Variants in MYLK observed in about 807,000 individuals in gnomAD.
MYLK encodes the protein myosin light chain kinase, smooth muscle.
A neutral mutation model predicts 203.4 loss-of-function variants in MYLK; 106 were observed. That is an observed-to-expected ratio of 0.52 (90% CI 0.45 to 0.61). MYLK has a LOEUF of 0.61. Ranked by LOEUF, MYLK falls within the 20% of genes least tolerant of loss-of-function variation. The probability of loss-of-function intolerance (pLI) is 0.00; values close to 1 mark genes in which losing one functional copy is unlikely to be tolerated. For synonymous variants in MYLK, 867 were observed against 959.5 expected, an observed-to-expected ratio of 0.90 and a Z score of 1.78; for missense variants, 2,072 against 2,442.3, an observed-to-expected ratio of 0.85 and a Z score of 3.20.
At chr3:123,803,991 C>T (rs578015651) in intron 3 of MYLK, among the ~76,000 whole-genome samples, 3 of 152,184 alleles carry the variant, frequency 2.0e-5, no homozygotes, top group Admixed American at 2.0e-4. Context: ...ATAATAGTTG[C>T]CATGTATTTA....
intron 4 of MYLK, among the ~76,000 whole-genome samples, chr3:123,786,130 C>G (rs2064510440): frequency 1.3e-5 from 2 of 152,100 alleles, no homozygotes; most frequent in South Asian, 4.2e-4. Context: ...TGGTGAAACC[C>G]TGTCTCTACT....
chr3:123,743,436 A>T (rs907357886), intron 5 of MYLK, among the ~76,000 whole-genome samples: 2 of 152,210 alleles, frequency 1.3e-5, no homozygotes, highest in African/African-American at 4.8e-5. Context: ...GGCTAAAATT[A>T]CTAACAGGGT....
chr3:123,826,561 G>C (rs2066127153), intron 3 of MYLK, among the ~76,000 whole-genome samples: 1 of 152,192 alleles, frequency 6.6e-6, no homozygotes, highest in African/African-American at 2.4e-5. Flanking sequence ...AGTCTGAAAA[G>C]CAGCCCCACA....
chr3:123,667,105 C>T, intron 21 of MYLK, 32 bp downstream of exon 21: 2 of 1,611,308 alleles, frequency 1.2e-6, no homozygotes, highest in African/African-American at 1.3e-5. Context: ...TAGATGACTT[C>T]TTTGACCCCA....
chr3:123,663,828 G>A (rs879748314), intron 23 of MYLK, among the ~76,000 whole-genome samples: 17 of 152,142 alleles, frequency 1.1e-4, no homozygotes, highest in African/African-American at 2.9e-4. Context: ...GCCTGAGGGC[G>A]GGGAACTCCA....
At chr3:123,708,450 C>T (rs1304853864) in intron 15 of MYLK, among the ~76,000 whole-genome samples, 1 of 152,208 alleles carries the variant, frequency 6.6e-6, no homozygotes, top group African/African-American at 2.4e-5. Context: ...TCTTAGTACT[C>T]TATGCACCTT....
chr3:123,878,402 T>C (rs1371253348), intron 1 of MYLK, among the ~76,000 whole-genome samples: 1 of 152,172 alleles, frequency 6.6e-6, no homozygotes, highest in African/African-American at 2.4e-5. Context: ...TTCCATGTAG[T>C]CTGACCCCAG....
intron 24 of MYLK, among the ~76,000 whole-genome samples, chr3:123,652,779 CCTGGCTGGG>C (rs150959121): frequency 9.2e-5 from 14 of 152,276 alleles, no homozygotes; most frequent in Non-Finnish European, 1.8e-4. Flanking sequence ...CAGTTCAAGA[CCTGGCTGGG>C]CTGGGAGGGA....
intron 10 of MYLK, 82 bp from the exon 11 acceptor site, chr3:123,733,184 G>T: frequency 6.7e-7 from 1 of 1,488,154 alleles, no homozygotes; most frequent in Middle Eastern, 1.7e-4. Context: ...GAAGGTGTGA[G>T]CTGGAGGAAA....
intron 2 of MYLK, among the ~76,000 whole-genome samples, chr3:123,843,127 G>C (rs1175900772): frequency 1.3e-5 from 2 of 152,198 alleles, no homozygotes; most frequent in African/African-American, 4.8e-5. Flanking sequence ...TCCCGTATCA[G>C]TAATTCAATA....
At chr3:123,842,647 T>C (rs2066621813) in intron 2 of MYLK, among the ~76,000 whole-genome samples, 1 of 152,258 alleles carries the variant, frequency 6.6e-6, no homozygotes, top group Admixed American at 6.5e-5. Flanking sequence ...CAAGATCAAC[T>C]TGTCTGTTCA....
chr3:123,881,161 G>T (rs1399189315), intron 1 of MYLK, among the ~76,000 whole-genome samples: 1 of 152,148 alleles, frequency 6.6e-6, no homozygotes, highest in Non-Finnish European at 1.5e-5. Flanking sequence ...GGGAGCACAG[G>T]GAAGAGATAG....
chr3:123,641,922 A>G (rs1182283028), intron 27 of MYLK, among the ~76,000 whole-genome samples: 1 of 149,902 alleles, frequency 6.7e-6, no homozygotes, highest in East Asian at 2.0e-4. Flanking sequence ...TTCTGTGATC[A>G]TAGTTCAACA....
intron 3 of MYLK, among the ~76,000 whole-genome samples, chr3:123,829,154 C>T (rs2066237398): frequency 6.6e-6 from 1 of 152,118 alleles, no homozygotes; most frequent in Non-Finnish European, 1.5e-5. Flanking sequence ...ATGTCTACTG[C>T]AGCACTATTT....
chr3:123,728,365 G>C (rs920175317), intron 11 of MYLK, among the ~76,000 whole-genome samples: 3 of 152,062 alleles, frequency 2.0e-5, no homozygotes, highest in Non-Finnish European at 4.4e-5. Context: ...TAAAATATTA[G>C]CCAGGCATGA....
intron 3 of MYLK, among the ~76,000 whole-genome samples, chr3:123,826,175 C>T (rs988351248): frequency 9.9e-5 from 15 of 152,190 alleles, no homozygotes; most frequent in Non-Finnish European, 2.1e-4. Flanking sequence ...ACGCTGTGGA[C>T]CACCCTCAGC....
At chr3:123,844,562 T>G (rs907798773) in intron 2 of MYLK, among the ~76,000 whole-genome samples, 1 of 99,244 alleles carries the variant, frequency 1.0e-5, no homozygotes, top group Non-Finnish European at 2.0e-5. Context: ...ACTTAACCTT[T>G]CTAAGCCTGT....
chr3:123,845,859 T>A (rs2029918099), intron 2 of MYLK, among the ~76,000 whole-genome samples: 1 of 152,160 alleles, frequency 6.6e-6, no homozygotes, highest in Non-Finnish European at 1.5e-5. Flanking sequence ...CCCCACTGTT[T>A]AAAATAAATG....
chr3:123,832,805 T>A (rs2066374086), intron 2 of MYLK, among the ~76,000 whole-genome samples: 1 of 152,132 alleles, frequency 6.6e-6, no homozygotes, highest in Non-Finnish European at 1.5e-5. Context: ...TTTCCAGAAC[T>A]GTGAGGAAAA....
Sources: gnomAD v4.1 joint callset for allele counts (sites outside exome capture counted in the v4.1 genomes callset) on GRCh38, gnomAD v4.1.1 for gene constraint, MANE v1.5 for transcripts, NCBI Gene and HGNC (gene_info 2026-07-23, HGNC 2026-07-21) for gene names.